Variants in NDUFA10 observed in about 807,000 individuals in gnomAD.
The protein encoded by NDUFA10 is NADH:ubiquinone oxidoreductase subunit A10, also known as NADH dehydrogenase [ubiquinone] 1 alpha subcomplex subunit 10, mitochondrial.
In NDUFA10, 40 loss-of-function variants were observed where a neutral mutation model predicts 47.8. That is an observed-to-expected ratio of 0.84 (90% confidence interval 0.65 to 1.09). NDUFA10 has a LOEUF of 1.09. Among genes scored for constraint, NDUFA10 ranks in the 50% least tolerant of loss-of-function variants. The probability of loss-of-function intolerance (pLI) is 0.00; values close to 1 mark genes in which losing one functional copy is unlikely to be tolerated. For missense variants in NDUFA10, 413 were observed against 451.1 expected (o/e 0.92, Z 0.76); for synonymous variants, 183 against 172.2 (o/e 1.06, Z -0.49).
rs77742679 is a variant in NDUFA10 at position 239,901,506 on chromosome 2, C to T, written c.295-6192G>A. ...CCCTGAAAATGCTACCGCTCACCGA[C>T]AATGCACCTGCCCCCCAAGAGCTCT... On this transcript the variant is annotated intron_variant, in intron 4 of 5. Coordinates refer to the NDUFA10 transcript ENST00000419408. Among the ~76,000 whole-genome samples the T allele has an allele frequency of 8.2e-3, 1,254 of 152,136 alleles. 19 individuals carry two copies. Among genetic ancestry groups the T allele is most frequent in the African/African-American group, 0.029 (1,198 of 41,482 alleles).
At chr2:240,005,134 T>C (rs1185031662) in intron 8 of NDUFA10, 76 bp downstream of exon 8, 1 of 1,319,496 alleles carries the variant, frequency 7.6e-7, no homozygotes, top group African/African-American at 1.4e-5. Flanking sequence ...AACATAATTA[T>C]TTCAAACTTC....
At chr2:239,922,233 A>G (rs1041484597) in intron 4 of NDUFA10, among the ~76,000 whole-genome samples, 2 of 151,852 alleles carry the variant, frequency 1.3e-5, no homozygotes, top group African/African-American at 4.8e-5. Context: ...GTGGCCAGTT[A>G]TCTTTGGGTG....
chr2:240,007,239 T>C, intron 7 of NDUFA10, 77 bp downstream of exon 7: 1 of 1,119,052 alleles, frequency 8.9e-7, no homozygotes, highest in Non-Finnish European at 1.3e-6. Flanking sequence ...GGAATCTAAC[T>C]GACGATCTGA....
chr2:240,014,896 A>G, intron 4 of NDUFA10, 36 bp from the exon 5 acceptor site: 2 of 1,613,910 alleles, frequency 1.2e-6, no homozygotes. Context: ...GTCACCTACC[A>G]GTCCCCACAC....
chr2:239,900,315 CATATATATATATAT>C lies in NDUFA10; in HGVS notation c.295-5015_295-5002del, dbSNP rs142452963. 8.4e-5 allele frequency among the ~76,000 whole-genome samples: 12 copies of C among 142,640 alleles called. No homozygotes were observed. The South Asian group carries it at 1.1e-3, about 13-fold the overall frequency. The allele number at this position is 142,640 out of a possible 152,430, so 93.6% of individuals were successfully genotyped here. Reference sequence around the variant, plus strand: ...CAATACTCCTTAATGAACTCCCCTTCATATATATATATATATATATATATATATATATATATATA... The same window carrying C: ...CAATACTCCTTAATGAACTCCCCTTCATATATATATATATATATATATATA... On this transcript the variant is annotated intron_variant, in intron 4 of 5. Coordinates refer to the NDUFA10 transcript ENST00000419408.
downstream of NDUFA10, among the ~76,000 whole-genome samples, chr2:239,957,086 G>A (rs559289842): frequency 6.6e-6 from 1 of 152,278 alleles, no homozygotes; most frequent in East Asian, 1.9e-4. Context: ...CCCTCCTTGC[G>A]GCTCAGACAC....
Position 239,960,697 on chromosome 2 carries a change from G to T in NDUFA10, c.*421C>A. 1.7e-6 allele frequency: 2 copies of T among 1,161,768 alleles called. No individual in the cohort carries two copies. The highest frequency in any genetic ancestry group is 1.8e-5 in the South Asian group (1 of 54,820). The allele number at this position is 1,161,768 out of a possible 1,614,324, so 72.0% of individuals were successfully genotyped here. A position where few individuals can be genotyped will look rare whatever the true frequency, so the allele number is the denominator to read the frequency against. On this transcript the variant is annotated 3_prime_UTR_variant, in exon 10 of 10. Coordinates refer to ENST00000252711, the MANE Select transcript of NDUFA10 (RefSeq NM_004544.4). ...AGAGCAGCGTGTGTGCACGTGTGCAGTTTCGACGTGCCCGCACGCACATAG... is the reference window on the plus strand; with the variant it reads ...AGAGCAGCGTGTGTGCACGTGTGCATTTTCGACGTGCCCGCACGCACATAG...
Position 239,928,718 on chromosome 2 carries a change from T to C in NDUFA10, c.295-33404A>G, listed in dbSNP as rs1158299672. Among the ~76,000 whole-genome samples the C allele has an allele frequency of 6.6e-6, 1 of 152,022 alleles. No individual in the cohort carries two copies. The highest frequency in any genetic ancestry group is 1.5e-5 in the Non-Finnish European group (1 of 67,998). On this transcript the variant is annotated intron_variant, in intron 4 of 5. Transcript: ENST00000419408. This position sits in a 1 kb window ranked among gnomAD's most constrained non-coding sequence, Gnocchi z 4.3. ...CCCAGCCAACCACCGGACATCCCGCTCCAGGTCCCTCTGTGCAAGGATGTC... is the reference window on the plus strand; with the variant it reads ...CCCAGCCAACCACCGGACATCCCGCCCCAGGTCCCTCTGTGCAAGGATGTC...
intron 8 of NDUFA10, among the ~76,000 whole-genome samples, chr2:239,995,753 C>A (rs1339116336): frequency 2.6e-5 from 4 of 152,160 alleles, no homozygotes; most frequent in Admixed American, 2.6e-4. Context: ...AAAAGACACA[C>A]CATGCCCACA....
intron 8 of NDUFA10, among the ~76,000 whole-genome samples, chr2:239,993,841 A>G (rs935210214): frequency 1.3e-5 from 2 of 152,128 alleles, no homozygotes; most frequent in Non-Finnish European, 1.5e-5. Context: ...AGCTAGGATT[A>G]TGGTTGACAG....
At chr2:239,900,842 G>C (rs769152540) in intron 4 of NDUFA10, among the ~76,000 whole-genome samples, 15 of 152,254 alleles carry the variant, frequency 9.9e-5, no homozygotes, top group Admixed American at 2.0e-4. Flanking sequence ...CCTGGAGCCA[G>C]CAGAGGTTGA....
At chr2:239,914,141 A>G (rs1693799470) in intron 4 of NDUFA10, among the ~76,000 whole-genome samples, 1 of 151,976 alleles carries the variant, frequency 6.6e-6, no homozygotes, top group African/African-American at 2.4e-5. Context: ...ACAGATACAC[A>G]CACAGAGATA....
chr2:239,983,437 A>C, intron 9 of NDUFA10: 4 of 1,504,546 alleles, frequency 2.7e-6, no homozygotes, highest in Non-Finnish European at 3.6e-6. Context: ...ATTACTATTT[A>C]ATTTCAACTG....
At chr2:239,908,496 T>A (rs560473421) in intron 4 of NDUFA10, among the ~76,000 whole-genome samples, 1 of 152,312 alleles carries the variant, frequency 6.6e-6, no homozygotes, top group South Asian at 2.1e-4. Context: ...CACCACAGCC[T>A]GACAGTGCCG....
rs1237885387 is a variant in NDUFA10, at chr2:239,960,931, A to AGCT, written c.*184_*186dup. On this transcript the variant is annotated 3_prime_UTR_variant, in exon 10 of 10. Transcript: ENST00000252711. ...AAGGGTTCCAAACATCCAGAATGGA[A>AGCT]GCTGCTTCCCCCAACTCCATTACCT... 6.7e-7 allele frequency: 1 copy of AGCT among 1,491,342 alleles called. No individual in the cohort carries two copies. Among genetic ancestry groups the AGCT allele is most frequent in the Non-Finnish European group, 8.9e-7 (1 of 1,117,390 alleles). The allele number at this position is 1,491,342 out of a possible 1,614,324, so 92.4% of individuals were successfully genotyped here.
At chr2:240,025,190 G>T in intron 1 of NDUFA10, 37 bp downstream of exon 1, 1 of 352,866 alleles carries the variant, frequency 2.8e-6, no homozygotes, top group Non-Finnish European at 4.4e-6. Context: ...CCGCCACCCT[G>T]CCACCCCGCC....
rs972843837 is a variant in NDUFA10 at position 240,021,296 on chromosome 2, G to C, written c.361C>G (p.Pro121Ala). The part of the protein sequence containing the change: ...NCSLEKFYDD[P>A]RSNDGNSYRL... ...TAACTGTTGCCATCATTGCTTCTCG[G>C]ATCATCGTAAAATTTCTCCAAACTA... The change falls in exon 3 of 10, where the codon CCG becomes GCG. Residue 121 changes from proline (P) to alanine (A), a missense_variant. By Grantham distance (27) the Pro-to-Ala change is conservative. Coordinates refer to ENST00000252711, the MANE Select transcript of NDUFA10 (RefSeq NM_004544.4). 11 of 1,614,162 alleles carry C rather than the reference G, an allele frequency of 6.8e-6. No individual in the cohort carries two copies. The highest frequency in any genetic ancestry group is 1.6e-4 in the Middle Eastern group (1 of 6,062).
intron 9 of NDUFA10, among the ~76,000 whole-genome samples, chr2:239,966,472 T>C (rs1035443886): frequency 6.6e-6 from 1 of 152,168 alleles, no homozygotes; most frequent in Non-Finnish European, 1.5e-5. Context: ...TGTGGATCTG[T>C]ACTTTCTTCT....
At chr2:240,019,556 C>A (rs1480883011) in intron 3 of NDUFA10, among the ~76,000 whole-genome samples, 1 of 27,636 alleles carries the variant, frequency 3.6e-5, no homozygotes, top group Non-Finnish European at 8.0e-5. Context: ...CGGTGGCTCA[C>A]GCCTGTAATC....
Sources: allele counts gnomAD v4.1 joint callset (sites outside exome capture counted in the v4.1 genomes callset), GRCh38; gene constraint gnomAD v4.1.1; non-coding constraint Gnocchi (gnomAD v3.1); transcripts MANE v1.5; gene names NCBI Gene and HGNC (gene_info 2026-07-23, HGNC 2026-07-21).